The following BMP6 variants were observed in gnomAD, a reference collection of about 807,000 sequenced individuals.
The protein encoded by BMP6 is bone morphogenetic protein 6.
BMP6 carries 17 observed loss-of-function variants against 54.1 expected under a neutral mutation model. The observed-to-expected ratio is 0.31, with a 90% CI of 0.22 to 0.47. The LOEUF is 0.47. BMP6 is among the 20% of genes least tolerant of loss of function. The pLI, the probability that BMP6 is intolerant of heterozygous loss-of-function variation, is 1.00. For missense variants in BMP6, 720 were observed against 690.4 expected (o/e 1.04, Z -0.48); for synonymous variants, 328 against 291.2 (o/e 1.13, Z -1.28).
At chr6:7,861,365 G>A (rs1029298827) in intron 2 of BMP6, 86 bp from the exon 3 acceptor site, 1 of 1,537,878 alleles carries the variant, frequency 6.5e-7, no homozygotes. Context: ...ACTCGGGCAT[G>A]TTTTATCCTG....
intron 1 of BMP6, among the ~76,000 whole-genome samples, chr6:7,737,965 C>T (rs1434394743): frequency 1.3e-5 from 2 of 150,200 alleles, no homozygotes; most frequent in Non-Finnish European, 2.9e-5. Context: ...GTAATATTTT[C>T]TTCTTTTTTT....
At chr6:7,829,900 TAC>T (rs931112701) in intron 1 of BMP6, among the ~76,000 whole-genome samples, 1 of 152,202 alleles carries the variant, frequency 6.6e-6, no homozygotes, top group African/African-American at 2.4e-5. Flanking sequence ...CATTCCAGTA[TAC>T]AGTAAGATAC....
intron 1 of BMP6, among the ~76,000 whole-genome samples, chr6:7,773,391 G>A (rs527501367): frequency 6.6e-5 from 10 of 152,266 alleles, no homozygotes; most frequent in African/African-American, 2.4e-4. Flanking sequence ...CATTCGCCCC[G>A]GTGCATTTTC....
intron 1 of BMP6, among the ~76,000 whole-genome samples, chr6:7,740,120 A>G (rs1581227881): frequency 1.3e-5 from 2 of 152,298 alleles, no homozygotes; most frequent in East Asian, 3.9e-4. Flanking sequence ...ACATGTGGCC[A>G]TAGGTCAGGA....
At chr6:7,877,577 C>T (rs1189665608) in intron 4 of BMP6, among the ~76,000 whole-genome samples, 3 of 151,918 alleles carry the variant, frequency 2.0e-5, no homozygotes, top group South Asian at 2.1e-4. Context: ...GAGCCGAGCT[C>T]GTGCCATTGC....
chr6:7,829,954 C>G (rs1358325498), intron 1 of BMP6, among the ~76,000 whole-genome samples: 1 of 152,194 alleles, frequency 6.6e-6, no homozygotes, highest in East Asian at 1.9e-4. Context: ...TCTGTAGAAG[C>G]TTCAAGGGAC....
rs147946698 is a variant in BMP6, at chr6:7,760,228, T to A, written c.664+32609T>A. Among the ~76,000 whole-genome samples, 522 of 152,094 alleles carry A rather than the reference T, an allele frequency of 3.4e-3. 4 individuals carry two copies. The highest frequency in any genetic ancestry group is 5.3e-3 in the Non-Finnish European group (358 of 67,992). The stretch of plus-strand genomic sequence containing the variant: ...AGGAATGAGCCAGTGTACCTGACCT[T>A]CAAGTATATTTTTTGAGGTGGTATG... On this transcript the variant is annotated intron_variant, in intron 1 of 6. Coordinates refer to ENST00000283147, the MANE Select transcript of BMP6 (RefSeq NM_001718.6).
chr6:7,731,153 T>C (rs1347536774), intron 1 of BMP6, among the ~76,000 whole-genome samples: 1 of 152,236 alleles, frequency 6.6e-6, no homozygotes, highest in African/African-American at 2.4e-5. Flanking sequence ...GCTAACCGTC[T>C]GCTGCCTGGG....
chr6:7,734,264 C>A (rs993555489), intron 1 of BMP6, among the ~76,000 whole-genome samples: 1 of 152,152 alleles, frequency 6.6e-6, no homozygotes, highest in Non-Finnish European at 1.5e-5. Context: ...TGTATGTTCG[C>A]CATAGATCAT....
At chr6:7,860,532 C>T (rs1759317327) in intron 2 of BMP6, among the ~76,000 whole-genome samples, 1 of 152,182 alleles carries the variant, frequency 6.6e-6, no homozygotes, top group Non-Finnish European at 1.5e-5. Context: ...ACACCGTCAT[C>T]CCACAGCCCC....
At chr6:7,803,664 C>T (rs1489303486) in intron 1 of BMP6, among the ~76,000 whole-genome samples, 5 of 152,116 alleles carry the variant, frequency 3.3e-5, no homozygotes, top group African/African-American at 1.2e-4. Flanking sequence ...TTTTCTCGGC[C>T]CAGATGTGAT....
At chr6:7,837,247 C>T (rs1038318527) in intron 1 of BMP6, among the ~76,000 whole-genome samples, 2 of 152,098 alleles carry the variant, frequency 1.3e-5, no homozygotes, top group Non-Finnish European at 2.9e-5. Flanking sequence ...TAGGCAGTGT[C>T]TTTGTTTTTC....
intron 1 of BMP6, among the ~76,000 whole-genome samples, chr6:7,806,985 C>A (rs1340424436): frequency 6.6e-6 from 1 of 152,194 alleles, no homozygotes; most frequent in Non-Finnish European, 1.5e-5. Context: ...TTAATAACCT[C>A]CTGACAAGAG....
At chr6:7,736,809 AGT>A (rs1253352302) in intron 1 of BMP6, among the ~76,000 whole-genome samples, 1 of 152,162 alleles carries the variant, frequency 6.6e-6, no homozygotes, top group Admixed American at 6.5e-5. Flanking sequence ...TACTCATTGT[AGT>A]GGGGTATTAC....
At chr6:7,783,961 T>G (rs1489944361) in intron 1 of BMP6, among the ~76,000 whole-genome samples, 2 of 152,218 alleles carry the variant, frequency 1.3e-5, no homozygotes, top group Non-Finnish European at 2.9e-5. Context: ...GTTTCATCCT[T>G]GTAGATAGGA....
chr6:7,814,027 C>T (rs1758486639), intron 1 of BMP6, among the ~76,000 whole-genome samples: 1 of 152,164 alleles, frequency 6.6e-6, no homozygotes, highest in East Asian at 1.9e-4. Context: ...TGACTGTCAG[C>T]CAGGGCTGCT....
intron 4 of BMP6, among the ~76,000 whole-genome samples, chr6:7,868,725 C>T (rs1194919516): frequency 6.6e-6 from 1 of 152,272 alleles, no homozygotes; most frequent in African/African-American, 2.4e-5. Flanking sequence ...AGTCCCCTGC[C>T]ATGCTGGTAT....
At chr6:7,735,054 C>T (rs1761931618) in intron 1 of BMP6, among the ~76,000 whole-genome samples, 1 of 152,234 alleles carries the variant, frequency 6.6e-6, no homozygotes, top group South Asian at 2.1e-4. Context: ...CCAAAGAGCT[C>T]AGCTGGCCAC....
intron 1 of BMP6, among the ~76,000 whole-genome samples, chr6:7,740,676 C>T (rs548321820): frequency 2.6e-5 from 4 of 152,246 alleles, no homozygotes; most frequent in African/African-American, 4.8e-5. Flanking sequence ...ATCTGCACTT[C>T]GACAAGCGGT....
Sources: gnomAD v4.1 joint callset for allele counts (sites outside exome capture counted in the v4.1 genomes callset) on GRCh38, gnomAD v4.1.1 for gene constraint, MANE v1.5 for transcripts, NCBI Gene and HGNC (gene_info 2026-07-23, HGNC 2026-07-21) for gene names.